The following NXPH1 variants were observed in gnomAD, a reference collection of about 807,000 sequenced individuals.
NXPH1 encodes neurexophilin-1.
In NXPH1, 5 loss-of-function variants were observed where a neutral mutation model predicts 23.7. The ratio of observed to expected loss-of-function variants is 0.21; its 90% confidence interval spans 0.11 to 0.44. The LOEUF is 0.44. Ranked by LOEUF, NXPH1 falls within the 20% of genes least tolerant of loss-of-function variation. The pLI, the probability that NXPH1 is intolerant of heterozygous loss-of-function variation, is 0.99. For missense variants in NXPH1, 324 were observed against 321.6 expected (o/e 1.01, Z -0.06); for synonymous variants, 144 against 122.2 (o/e 1.18, Z -1.18).
At chr7:8,711,377 G>T (rs1039181744) in intron 2 of NXPH1, among the ~76,000 whole-genome samples, 1 of 152,052 alleles carries the variant, frequency 6.6e-6, no homozygotes, top group Non-Finnish European at 1.5e-5. Context: ...TTCATGAAAG[G>T]ATTTACTATA....
At chr7:8,749,762 C>G (rs1562474337) in intron 2 of NXPH1, among the ~76,000 whole-genome samples, 1 of 152,146 alleles carries the variant, frequency 6.6e-6, no homozygotes, top group African/African-American at 2.4e-5. Flanking sequence ...ATTCAACAGC[C>G]TTACCTTAAA....
At chr7:8,566,641 A>G (rs961543066) in intron 2 of NXPH1, among the ~76,000 whole-genome samples, 2 of 151,802 alleles carry the variant, frequency 1.3e-5, no homozygotes, top group African/African-American at 4.8e-5. Context: ...CAATTCTTGG[A>G]CTTACACCAG....
intron 2 of NXPH1, among the ~76,000 whole-genome samples, chr7:8,510,710 C>T (rs964466187): frequency 2.0e-5 from 3 of 151,964 alleles, no homozygotes; most frequent in Non-Finnish European, 2.9e-5. Flanking sequence ...TTTAAAAATA[C>T]TTTATATGCG....
chr7:8,450,317 A>G (rs1189877801), intron 2 of NXPH1, among the ~76,000 whole-genome samples: 1 of 152,218 alleles, frequency 6.6e-6, no homozygotes, highest in Non-Finnish European at 1.5e-5. Flanking sequence ...GGGGATGCAA[A>G]TCTACACTCT....
chr7:8,563,095 T>G (rs1305296987), intron 2 of NXPH1, among the ~76,000 whole-genome samples: 1 of 151,784 alleles, frequency 6.6e-6, no homozygotes, highest in Non-Finnish European at 1.5e-5. Context: ...GATAGAACAT[T>G]GACTTCCAAA....
At position 8,752,219 on chromosome 7, in the gene NXPH1, C is replaced by A; in HGVS notation, c.*450C>A. 3 of 161,988 alleles carry A rather than the reference C, an allele frequency of 1.9e-5. No homozygotes were observed. The highest frequency in any genetic ancestry group is 2.7e-5 in the Non-Finnish European group (2 of 72,832). The allele number at this position is 161,988 out of a possible 1,614,324, so 10.0% of individuals were successfully genotyped here. ...TTGAGTACATGCTAATCAATAATCT[C>A]CACTCATGCATTCCTACTGCTTGGA... On this transcript the variant is annotated 3_prime_UTR_variant, in exon 3 of 3. Transcript: ENST00000405863.
chr7:8,637,415 G>A (rs1820234073), intron 2 of NXPH1, among the ~76,000 whole-genome samples: 3 of 152,042 alleles, frequency 2.0e-5, no homozygotes, highest in Admixed American at 2.0e-4. Context: ...TTTAGAGATG[G>A]GGTTTCAGTA....
chr7:8,518,408 ATAAAAT>A (rs1817720632), intron 2 of NXPH1, among the ~76,000 whole-genome samples: 1 of 152,170 alleles, frequency 6.6e-6, no homozygotes, highest in Non-Finnish European at 1.5e-5. Flanking sequence ...TACCTAACAC[ATAAAAT>A]TATTAAAAAA....
chr7:8,481,911 C>G (rs1036414886), intron 2 of NXPH1, among the ~76,000 whole-genome samples: 6 of 152,184 alleles, frequency 3.9e-5, no homozygotes, highest in Admixed American at 1.3e-4. Context: ...ATAGATCACA[C>G]TCAGTGCTGG....
At chr7:8,498,798 C>T (rs1359802957) in intron 2 of NXPH1, among the ~76,000 whole-genome samples, 1 of 151,908 alleles carries the variant, frequency 6.6e-6, no homozygotes, top group Admixed American at 6.6e-5. Context: ...GTTCTAAGAG[C>T]TTAGTAAGAG....
At chr7:8,589,608 C>T (rs1157052974) in intron 2 of NXPH1, among the ~76,000 whole-genome samples, 4 of 152,032 alleles carry the variant, frequency 2.6e-5, no homozygotes, top group Non-Finnish European at 4.4e-5. Flanking sequence ...GAGCATTGGT[C>T]ATGCAGACAG....
At chr7:8,670,679 C>T (rs1820855236) in intron 2 of NXPH1, among the ~76,000 whole-genome samples, 1 of 152,120 alleles carries the variant, frequency 6.6e-6, no homozygotes, top group African/African-American at 2.4e-5. Flanking sequence ...AAAATGTGTT[C>T]TTTAAAACAT....
chr7:8,536,704 G>GA (rs1818033128), intron 2 of NXPH1, among the ~76,000 whole-genome samples: 3 of 151,550 alleles, frequency 2.0e-5, no homozygotes, highest in Non-Finnish European at 3.0e-5. Context: ...AGAAGAAGAA[G>GA]AGAGACTGTT....
intron 2 of NXPH1, among the ~76,000 whole-genome samples, chr7:8,688,978 T>C (rs1821188266): frequency 6.6e-6 from 1 of 152,192 alleles, no homozygotes; most frequent in South Asian, 2.1e-4. Context: ...TTGTTTTTGA[T>C]CTCTTCTGGT....
intron 2 of NXPH1, among the ~76,000 whole-genome samples, chr7:8,732,243 G>T (rs755727022): frequency 8.3e-4 from 127 of 152,320 alleles, no homozygotes; most frequent in Non-Finnish European, 1.5e-3. Context: ...CCAGTGTCTG[G>T]CACTCCCTAG....
intron 2 of NXPH1, among the ~76,000 whole-genome samples, chr7:8,739,492 T>A (rs1350270928): frequency 1.3e-5 from 2 of 152,082 alleles, no homozygotes. Context: ...GTCTAACCAT[T>A]CCCTGTGAGA....
intron 2 of NXPH1, among the ~76,000 whole-genome samples, chr7:8,631,852 C>T (rs1332215477): frequency 2.0e-5 from 3 of 152,148 alleles, no homozygotes; most frequent in African/African-American, 7.2e-5. Flanking sequence ...TGTTAGGACA[C>T]AGCACTAAAA....
At chr7:8,557,413 C>T (rs999563271) in intron 2 of NXPH1, among the ~76,000 whole-genome samples, 1 of 151,646 alleles carries the variant, frequency 6.6e-6, no homozygotes, top group Non-Finnish European at 1.5e-5. Context: ...CCATGGTATA[C>T]TGGGGTCATG....
At chr7:8,522,431 C>T (rs1419540908) in intron 2 of NXPH1, among the ~76,000 whole-genome samples, 1 of 152,078 alleles carries the variant, frequency 6.6e-6, no homozygotes, top group Non-Finnish European at 1.5e-5. Flanking sequence ...CTAAAAAGTC[C>T]CTTAGAAAAT....
Sources: allele counts gnomAD v4.1 joint callset (sites outside exome capture counted in the v4.1 genomes callset), GRCh38; gene constraint gnomAD v4.1.1; transcripts MANE v1.5; gene names NCBI Gene and HGNC (gene_info 2026-07-23, HGNC 2026-07-21).